HP1BP3: variants seen among roughly 807,000 people sequenced by gnomAD.
The protein encoded by HP1BP3 is heterochromatin protein 1 binding protein 3, also known as heterochromatin protein 1-binding protein 3.
In HP1BP3, 12 loss-of-function variants were observed where a neutral mutation model predicts 62.5. The ratio of observed to expected loss-of-function variants is 0.19; its 90% CI spans 0.12 to 0.31. HP1BP3 has a LOEUF of 0.31. HP1BP3 is among the 10% of genes least tolerant of loss of function. The pLI, the probability that HP1BP3 is intolerant of heterozygous loss-of-function variation, is 1.00. For synonymous variants in HP1BP3, 260 were observed against 237.8 expected, an observed-to-expected ratio of 1.09 and a Z score of -0.86; for missense variants, 502 against 651.8, an observed-to-expected ratio of 0.77 and a Z score of 2.50.
At chr1:20,764,345 T>C (rs937291616) in intron 8 of HP1BP3, among the ~76,000 whole-genome samples, 4 of 151,762 alleles carry the variant, frequency 2.6e-5, no homozygotes, top group African/African-American at 7.3e-5. Flanking sequence ...CTTTTTACTC[T>C]TATGGTTTTT....
chr1:20,776,185 C>A, intron 4 of HP1BP3: 1 of 539,848 alleles, frequency 1.9e-6, no homozygotes, highest in Non-Finnish European at 3.1e-6. Flanking sequence ...CAAATCAATG[C>A]CTTCTAACAT....
chr1:20,748,346 A>G (rs906524139), intron 10 of HP1BP3, among the ~76,000 whole-genome samples: 1 of 152,256 alleles, frequency 6.6e-6, no homozygotes, highest in South Asian at 2.1e-4. Flanking sequence ...TTACAGAGAC[A>G]TATCCAAAAT....
chr1:20,785,381 G>A (rs2057774965), intron 1 of HP1BP3, among the ~76,000 whole-genome samples: 1 of 152,170 alleles, frequency 6.6e-6, no homozygotes, highest in Non-Finnish European at 1.5e-5. Context: ...TTTAGGGAAA[G>A]CACTATAATT....
At chr1:20,778,944 C>T (rs547104012) in intron 3 of HP1BP3, among the ~76,000 whole-genome samples, 4 of 152,084 alleles carry the variant, frequency 2.6e-5, no homozygotes, top group Non-Finnish European at 5.9e-5. Context: ...CATGCACCAC[C>T]ATGCCCAGAT....
intron 9 of HP1BP3, among the ~76,000 whole-genome samples, chr1:20,756,402 A>C (rs1160140678): frequency 6.6e-6 from 1 of 152,010 alleles, no homozygotes; most frequent in Non-Finnish European, 1.5e-5. Flanking sequence ...ACGACTTCTC[A>C]TTAAAAAAAA....
chr1:20,761,616 G>A (rs2056487485), intron 8 of HP1BP3, among the ~76,000 whole-genome samples: 1 of 152,162 alleles, frequency 6.6e-6, no homozygotes, highest in Non-Finnish European at 1.5e-5. Flanking sequence ...CGAATCTGAA[G>A]TTAGAAGGGA....
intron 4 of HP1BP3, chr1:20,774,350 A>C (rs1281303411): frequency 4.0e-5 from 6 of 151,634 alleles, no homozygotes; most frequent in African/African-American, 1.5e-4. Context: ...TTAAACACAC[A>C]CACACACACA....
chr1:20,775,557 G>C (rs1187962409), intron 4 of HP1BP3: 1 of 159,242 alleles, frequency 6.3e-6, no homozygotes, highest in Non-Finnish European at 1.4e-5. Flanking sequence ...GTTGCACACA[G>C]TAGTCCTAGG....
At chr1:20,761,594 C>T (rs1477475654) in intron 8 of HP1BP3, among the ~76,000 whole-genome samples, 2 of 152,050 alleles carry the variant, frequency 1.3e-5, no homozygotes, top group African/African-American at 4.8e-5. Flanking sequence ...GCTGAACAGG[C>T]ATCCGTATAC....
chr1:20,768,026 G>C (rs1229625164), intron 6 of HP1BP3, among the ~76,000 whole-genome samples: 2 of 119,796 alleles, frequency 1.7e-5, no homozygotes, highest in African/African-American at 3.1e-5. Context: ...CAATCTCTTA[G>C]GGAAATAAGA....
intron 9 of HP1BP3, among the ~76,000 whole-genome samples, chr1:20,754,728 G>A (rs750340714): frequency 1.3e-5 from 2 of 152,052 alleles, no homozygotes; most frequent in East Asian, 1.9e-4. Flanking sequence ...CAATAGGGAA[G>A]GGACAGTCTT....
intron 4 of HP1BP3, chr1:20,775,966 A>G: frequency 6.6e-7 from 1 of 1,517,048 alleles, no homozygotes; most frequent in South Asian, 1.3e-5. Flanking sequence ...AACTGTTCTG[A>G]CCAATTATGA....
At chr1:20,777,834 G>A (rs1328995407) in intron 3 of HP1BP3, among the ~76,000 whole-genome samples, 1 of 152,178 alleles carries the variant, frequency 6.6e-6, no homozygotes, top group African/African-American at 2.4e-5. Flanking sequence ...TATACTAAGC[G>A]AGTGATTTCC....
At chr1:20,776,865 A>C (rs1557671010) in intron 3 of HP1BP3, 115 bp from the exon 4 acceptor site, 1 of 851,358 alleles carries the variant, frequency 1.2e-6, no homozygotes, top group Non-Finnish European at 1.7e-6. Flanking sequence ...TAACAAATGA[A>C]TTCTAAAATG....
intron 8 of HP1BP3, among the ~76,000 whole-genome samples, chr1:20,760,682 C>A (rs2056414414): frequency 6.6e-6 from 1 of 151,970 alleles, no homozygotes; most frequent in African/African-American, 2.4e-5. Flanking sequence ...ACTAAAAATA[C>A]AAAAATTACC....
chr1:20,778,199 G>A (rs1369367726), intron 3 of HP1BP3, among the ~76,000 whole-genome samples: 2 of 152,150 alleles, frequency 1.3e-5, no homozygotes, highest in Admixed American at 1.3e-4. Context: ...CTGCTCAAGA[G>A]TTATGGCTTA....
intron 9 of HP1BP3, chr1:20,755,264 G>A (rs1233002961): frequency 1.1e-5 from 4 of 375,022 alleles, no homozygotes; most frequent in Admixed American, 2.8e-5. Flanking sequence ...CGTTGAGGAG[G>A]ATATGGAGAA....
chr1:20,767,599 T>A lies in HP1BP3; in HGVS notation c.720A>T (p.Lys240Asn). The change falls in exon 7 of 13, where the codon AAA (lysine) becomes AAT (asparagine). Residue 240 changes from lysine to asparagine, a missense_variant. Transcript: ENST00000438032. ...GATGTCTTACCTTTCTGTTTCTGGA[T>A]TTCTGAGGTGTTTTTCTTGATTTCT... ...VVQKSRKTPQKSRNRKNRSSA... is the reference protein window; with the variant it reads ...VVQKSRKTPQNSRNRKNRSSA... 1 of 1,610,056 alleles carries A rather than the reference T, an allele frequency of 6.2e-7. No homozygotes were observed. Among genetic ancestry groups the A allele is most frequent in the Non-Finnish European group, 8.5e-7 (1 of 1,177,382 alleles).
chr1:20,757,742 T>TC (rs1406237602), intron 8 of HP1BP3, among the ~76,000 whole-genome samples: 1 of 151,788 alleles, frequency 6.6e-6, no homozygotes, highest in African/African-American at 2.4e-5. Flanking sequence ...GACACCTTCT[T>TC]CAAGGCCAAC....
Sources: gnomAD v4.1 joint callset for allele counts (sites outside exome capture counted in the v4.1 genomes callset) on GRCh38, gnomAD v4.1.1 for gene constraint, MANE v1.5 for transcripts, NCBI Gene and HGNC (gene_info 2026-07-23, HGNC 2026-07-21) for gene names.